ASB5: variants seen among roughly 807,000 people sequenced by gnomAD.
ASB5 encodes ankyrin repeat and SOCS box protein 5.
A neutral mutation model predicts 42.1 loss-of-function variants in ASB5; 45 were observed. The ratio of observed to expected loss-of-function variants is 1.07; its 90% confidence interval spans 0.84 to 1.37. The LOEUF (loss-of-function observed/expected upper bound fraction) is 1.37, where lower values mean the gene tolerates loss of function less well. ASB5 is among the 40% of genes most tolerant of loss of function. The probability of loss-of-function intolerance (pLI) is 0.00; values close to 1 mark genes in which losing one functional copy is unlikely to be tolerated. For synonymous variants in ASB5, 147 were observed against 150.6 expected (o/e 0.98, Z 0.18); for missense variants, 402 against 399.8 (o/e 1.01, Z -0.05).
At chr4:176,241,777 A>C in intron 1 of ASB5, 1 of 765,192 alleles carries the variant, frequency 1.3e-6, no homozygotes, top group Non-Finnish European at 1.8e-6. Flanking sequence ...AAGGTCATTC[A>C]TTTATTGTAT....
chr4:176,220,329 T>C (rs375922708), intron 5 of ASB5, among the ~76,000 whole-genome samples: 1 of 152,158 alleles, frequency 6.6e-6, no homozygotes, highest in Non-Finnish European at 1.5e-5. Context: ...GCTAAGATAA[T>C]GTGAGTAGTG....
chr4:176,221,569 G>A lies in ASB5; in HGVS notation c.416C>T (p.Pro139Leu), dbSNP rs768506681. The A allele has an allele frequency of 2.1e-5, 34 of 1,613,116 alleles. No individual in the cohort carries two copies. The highest frequency in any genetic ancestry group is 3.3e-5 in the South Asian group (3 of 90,996). The part of the protein sequence containing the change: ...VNAITIDGVT[P>L]LFNACSQGSP... ...GCCTTGGGAGCATGCGTTGAATAAC[G>A]GAGTCACGCCATCTATCGTGATTGC... The change falls in exon 4 of 7, where the codon CCG (proline) becomes CTG (leucine). Residue 139 changes from proline to leucine, a missense_variant. Pro to Leu is a moderately conservative substitution (Grantham distance 98). Coordinates refer to ENST00000296525, the MANE Select transcript of ASB5 (RefSeq NM_080874.4).
upstream of ASB5, among the ~76,000 whole-genome samples, chr4:176,270,775 C>G (rs956731324): frequency 6.6e-6 from 1 of 152,150 alleles, no homozygotes; most frequent in African/African-American, 2.4e-5. Context: ...GCTGATTCTT[C>G]TATGGTGAGT....
At position 176,269,126 on chromosome 4, in the gene ASB5, C is replaced by T. The variant is rs1469861910; in HGVS notation, c.-18G>A. 11 of 1,601,178 alleles carry T rather than the reference C, an allele frequency of 6.9e-6. No individual in the cohort carries two copies. The highest frequency in any genetic ancestry group is 1.7e-4 in the Middle Eastern group (1 of 6,030). On this transcript the variant is annotated 5_prime_UTR_variant, in exon 1 of 7. Coordinates refer to ENST00000296525, the MANE Select transcript of ASB5 (RefSeq NM_080874.4). ...ACCGACATTGCTGCAGAAGAATCTG[C>T]GGCGGTCTTTAGTTGGATCCAAGTC...
At chr4:176,270,519 C>T (rs76837512), upstream of ASB5, among the ~76,000 whole-genome samples, 490 of 151,984 alleles carry the variant, frequency 3.2e-3, 4 homozygotes, top group Admixed American at 4.8e-3. Flanking sequence ...GAATGAATGG[C>T]TCTCAGAAAA....
chr4:176,260,878 T>A (rs1011970550), intron 1 of ASB5, among the ~76,000 whole-genome samples: 2 of 152,142 alleles, frequency 1.3e-5, no homozygotes, highest in Non-Finnish European at 2.9e-5. Context: ...GGTTTCACCT[T>A]GCTGGCCAAG....
intron 2 of ASB5, among the ~76,000 whole-genome samples, chr4:176,224,254 G>A (rs543095477): frequency 5.9e-5 from 5 of 84,658 alleles, no homozygotes; most frequent in African/African-American, 1.6e-4. Flanking sequence ...TTTTTGAGAG[G>A]GAGTCTCACT....
At position 176,243,602 on chromosome 4, in the gene ASB5, A is replaced by T. The variant is rs915610949; in HGVS notation, c.197-18261T>A. On this transcript the variant is annotated intron_variant, in intron 1 of 6. Coordinates refer to ENST00000296525, the MANE Select transcript of ASB5 (RefSeq NM_080874.4). The stretch of plus-strand genomic sequence containing the variant: ...ACCGCAACCTCCGTCTCCCAGGTTC[A>T]AATGATCCTCCCACCTCAGCCTCCT... Among the ~76,000 whole-genome samples, 6 of 152,248 alleles carry T rather than the reference A, an allele frequency of 3.9e-5. No individual in the cohort carries two copies. The East Asian group carries it at 1.2e-3, about 29-fold the overall frequency.
At chr4:176,219,102 A>T (rs368683162) in intron 5 of ASB5, among the ~76,000 whole-genome samples, 1 of 11,740 alleles carries the variant, frequency 8.5e-5, no homozygotes, top group African/African-American at 4.5e-4. Context: ...ATATATAAAT[A>T]TATATATATA....
chr4:176,238,043 G>A (rs1286871608), intron 1 of ASB5, among the ~76,000 whole-genome samples: 1 of 152,048 alleles, frequency 6.6e-6, no homozygotes, highest in Non-Finnish European at 1.5e-5. Context: ...CCAACGTGGT[G>A]AAACCCCGTC....
At chr4:176,216,704 T>C in intron 6 of ASB5, 114 bp downstream of exon 6, 1 of 880,768 alleles carries the variant, frequency 1.1e-6, no homozygotes, top group Non-Finnish European at 1.7e-6. Flanking sequence ...TCACAAATAA[T>C]ATTCCACATT....
At chr4:176,226,598 C>T (rs1425236098) in intron 1 of ASB5, among the ~76,000 whole-genome samples, 2 of 152,122 alleles carry the variant, frequency 1.3e-5, no homozygotes, top group Non-Finnish European at 2.9e-5. Flanking sequence ...GCTATTGGTT[C>T]TGTCTCTCTG....
Position 176,221,262 on chromosome 4 carries a change from A to G in ASB5, c.563T>C (p.Ile188Thr). The change falls in exon 5 of 7, where the codon ATA becomes ACA. Residue 188 changes from isoleucine (I) to threonine (T), a missense_variant. Ile to Thr is a moderately conservative substitution (Grantham distance 89, BLOSUM62 -1). Coordinates refer to ENST00000296525, the MANE Select transcript of ASB5 (RefSeq NM_080874.4). ...KGHHECLDIL[I>T]SWGIDVDQEI... ...TTGGTCAACATCTATGCCCCAGGAT[A>G]TCAGGATGTCAAGACATTCATGGTG... is the stretch of plus-strand genomic sequence containing the variant. 1 of 1,614,140 alleles carries G rather than the reference A, an allele frequency of 6.2e-7. No homozygotes were observed. Among genetic ancestry groups the G allele is most frequent in the South Asian group, 1.1e-5 (1 of 91,066 alleles).
At chr4:176,259,398 G>A (rs1754215155) in intron 1 of ASB5, among the ~76,000 whole-genome samples, 1 of 152,190 alleles carries the variant, frequency 6.6e-6, no homozygotes, top group South Asian at 2.1e-4. Context: ...AGTGAATGAA[G>A]TAGAATTTGG....
At chr4:176,216,394 A>C (rs1001457474) in intron 6 of ASB5, among the ~76,000 whole-genome samples, 1 of 152,112 alleles carries the variant, frequency 6.6e-6, no homozygotes, top group African/African-American at 2.4e-5. Flanking sequence ...CTCTGTTGCC[A>C]GGTTGGAGTG....
chr4:176,253,100 A>G (rs1047432144), intron 1 of ASB5, among the ~76,000 whole-genome samples: 5 of 152,244 alleles, frequency 3.3e-5, no homozygotes, highest in Non-Finnish European at 7.3e-5. Flanking sequence ...CAAAACTTTG[A>G]GAAACATGAG....
chr4:176,229,209 G>C (rs959563266), intron 1 of ASB5, among the ~76,000 whole-genome samples: 4 of 151,898 alleles, frequency 2.6e-5, no homozygotes, highest in East Asian at 1.9e-4. Flanking sequence ...ATATGATGCC[G>C]ACCCATTATC....
In ASB5 at chr4:176,222,419, C is replaced by T; in HGVS notation, c.278G>A (p.Gly93Asp). ...LLALRTLLSQ[G>D]YNVNAVTLDH... ...TAAGGTTACTGCATTTACATTATAA[C>T]CCTAAATGTGGCATAATTTTGAAAG... is the stretch of plus-strand genomic sequence containing the variant. The change falls in exon 3 of 7, where the codon GGT becomes GAT. Residue 93 changes from glycine (G) to aspartate (D), a missense_variant and splice_region_variant. Gly to Asp is a moderately conservative substitution (Grantham distance 94). Transcript: ENST00000296525. 1 of 1,610,206 alleles carries T rather than the reference C, an allele frequency of 6.2e-7. No individual in the cohort carries two copies. Among genetic ancestry groups the T allele is most frequent in the Non-Finnish European group, 8.5e-7 (1 of 1,177,144 alleles).
intron 1 of ASB5, among the ~76,000 whole-genome samples, chr4:176,253,774 A>T (rs1416263759): frequency 6.6e-6 from 1 of 152,200 alleles, no homozygotes; most frequent in Non-Finnish European, 1.5e-5. Flanking sequence ...TCAAGAACAC[A>T]ATCTTGATTT....
Sources: gnomAD v4.1 joint callset for allele counts (sites outside exome capture counted in the v4.1 genomes callset) on GRCh38, gnomAD v4.1.1 for gene constraint, MANE v1.5 for transcripts, NCBI Gene and HGNC (gene_info 2026-07-23, HGNC 2026-07-21) for gene names.